Variants in FGF13 observed in about 807,000 individuals in gnomAD.
FGF13 encodes fibroblast growth factor homologous factor 2.
A neutral mutation model predicts 19.5 loss-of-function variants in FGF13; 2 were observed. The ratio of observed to expected loss-of-function variants is 0.10; its 90% CI spans 0.04 to 0.32. The LOEUF (loss-of-function observed/expected upper bound fraction) is 0.32. FGF13 is among the 10% of genes least tolerant of loss of function. The pLI, the probability that FGF13 is intolerant of heterozygous loss-of-function variation, is 1.00. For synonymous variants in FGF13, 72 were observed against 76.9 expected (o/e 0.94, Z 0.33); for missense variants, 113 against 192.7 (o/e 0.59, Z 2.45).
intron 3 of FGF13, among the ~76,000 whole-genome samples, chrX:138,677,332 C>T (rs1202459092): frequency 9.1e-6 from 1 of 109,757 alleles, no homozygotes; most frequent in Non-Finnish European, 1.9e-5. Context: ...CAAATGGGAT[C>T]TAATTAAACT....
At chrX:139,129,264 T>C (rs1014370099) in intron 1 of FGF13, among the ~76,000 whole-genome samples, 1 of 109,908 alleles carries the variant, frequency 9.1e-6, no homozygotes, top group Admixed American at 9.8e-5. Context: ...TATAATATCA[T>C]ATGATATATT....
chrX:138,922,630 C>G (rs2091652788), intron 1 of FGF13, among the ~76,000 whole-genome samples: 1 of 112,141 alleles, frequency 8.9e-6, no homozygotes, highest in African/African-American at 3.2e-5. Flanking sequence ...ATCAAGAACA[C>G]CACAATATTT....
intron 3 of FGF13, among the ~76,000 whole-genome samples, chrX:138,847,148 C>G (rs1187558091): frequency 1.8e-5 from 2 of 111,646 alleles, no homozygotes; most frequent in East Asian, 5.7e-4. Context: ...TATGGAGAAG[C>G]CATGGAGGGG....
At chrX:138,951,498 AT>A (rs1183397723) in intron 1 of FGF13, among the ~76,000 whole-genome samples, 2 of 111,954 alleles carry the variant, frequency 1.8e-5, no homozygotes, top group African/African-American at 3.2e-5. Context: ...TTCAAAAAAA[AT>A]ATACCAGACA....
chrX:138,833,930 CTT>C (rs1344786745), intron 3 of FGF13, among the ~76,000 whole-genome samples: 3 of 111,411 alleles, frequency 2.7e-5, no homozygotes, highest in Non-Finnish European at 5.7e-5. Context: ...TGGTTTTTGT[CTT>C]TAGTTCTGTT....
chrX:138,972,000 T>A (rs373298863), intron 1 of FGF13, among the ~76,000 whole-genome samples: 2 of 110,518 alleles, frequency 1.8e-5, no homozygotes, highest in East Asian at 5.7e-4. Context: ...GTCCTCTAGG[T>A]TCATCCATGT....
chrX:139,045,559 A>G (rs2092284791), intron 1 of FGF13, among the ~76,000 whole-genome samples: 1 of 112,503 alleles, frequency 8.9e-6, no homozygotes, highest in Non-Finnish European at 1.9e-5. Context: ...GTTCTAACTT[A>G]AGTCATTCCT....
At chrX:138,756,506 C>G (rs2090432473) in intron 3 of FGF13, among the ~76,000 whole-genome samples, 1 of 112,742 alleles carries the variant, frequency 8.9e-6, no homozygotes, top group African/African-American at 3.2e-5. Context: ...AGCTGCCTTT[C>G]TGCTTTTTTC....
At chrX:138,783,062 G>A (rs1267704320) in intron 3 of FGF13, among the ~76,000 whole-genome samples, 2 of 96,387 alleles carry the variant, frequency 2.1e-5, no homozygotes, top group African/African-American at 4.0e-5. Context: ...AAGCAATGGG[G>A]AAAGGATTCC....
rs1569436209 is a variant in FGF13 at position 138,984,604 on chromosome X, A to AGGAGGC, written c.-112-119955_-112-119954insGCCTCC. Among the ~76,000 whole-genome samples, 9 of 46,063 alleles carry AGGAGGC rather than the reference A, an allele frequency of 2.0e-4. 1 individual carries two copies. Among genetic ancestry groups the AGGAGGC allele is most frequent in the Non-Finnish European group, 4.0e-4 (9 of 22,342 alleles). 40.0% of individuals were successfully genotyped at this position (46,063 alleles called of 115,157 possible). A position where few individuals can be genotyped will look rare whatever the true frequency, so the allele number is the denominator to read the frequency against. ...AAGAAGAAGAAGGAGGAGGAGGAGG[A>AGGAGGC]GGAGGAGGAGGATGAGGAAGAGGAG... is the stretch of plus-strand genomic sequence containing the variant. On this transcript the variant is annotated intron_variant, in intron 1 of 2. Transcript: ENST00000421460.
chrX:139,093,333 C>T (rs2083450303), intron 1 of FGF13, among the ~76,000 whole-genome samples: 2 of 111,962 alleles, frequency 1.8e-5, no homozygotes, highest in African/African-American at 6.5e-5. Flanking sequence ...TAATTTACTA[C>T]CCTGCCTGTG....
intron 3 of FGF13, among the ~76,000 whole-genome samples, chrX:138,790,043 CAAAAA>C (rs764151731): frequency 6.9e-5 from 2 of 29,166 alleles, no homozygotes; most frequent in Non-Finnish European, 1.3e-4. Context: ...AGACTCCATT[CAAAAA>C]AAAAAAAAAA....
chrX:138,976,232 C>G (rs1233866783), intron 1 of FGF13, among the ~76,000 whole-genome samples: 7 of 111,395 alleles, frequency 6.3e-5, no homozygotes, highest in Non-Finnish European at 1.3e-4. Flanking sequence ...TGAGAGCTTT[C>G]AACAGCTCTA....
chrX:138,875,892 C>A (rs1211777709), intron 1 of FGF13, among the ~76,000 whole-genome samples: 1 of 111,208 alleles, frequency 9.0e-6, no homozygotes, highest in East Asian at 2.8e-4. Context: ...TATAAATCAG[C>A]TCTTCTGCAT....
chrX:138,836,661 C>T lies in FGF13; in HGVS notation c.217+20851G>A, dbSNP rs765449292. On this transcript the variant is annotated intron_variant, in intron 3 of 6. Coordinates refer to the FGF13 transcript ENST00000436198. ...TCCTTTAGCTCAGTGAACTTCATTC[C>T]TATCCATATTCTGAATTCTCCTTCT... Among the ~76,000 whole-genome samples, 4 of 111,893 alleles carry T rather than the reference C, an allele frequency of 3.6e-5. No individual in the cohort carries two copies. The East Asian group carries it at 1.1e-3, about 32-fold the overall frequency.
intron 3 of FGF13, among the ~76,000 whole-genome samples, chrX:138,791,927 T>C (rs1354109969): frequency 8.9e-6 from 1 of 112,080 alleles, no homozygotes; most frequent in Non-Finnish European, 1.9e-5. Context: ...GTTTGCCCAT[T>C]AATATTTAAT....
At chrX:138,961,407 C>T (rs1215651074) in intron 1 of FGF13, among the ~76,000 whole-genome samples, 1 of 110,908 alleles carries the variant, frequency 9.0e-6, no homozygotes, top group Non-Finnish European at 1.9e-5. Context: ...TGAGGGGCAC[C>T]TACTGGGAGG....
At chrX:138,792,563 ACC>A (rs1307724471) in intron 3 of FGF13, among the ~76,000 whole-genome samples, 1 of 112,010 alleles carries the variant, frequency 8.9e-6, no homozygotes, top group Non-Finnish European at 1.9e-5. Flanking sequence ...GTAGCTTTTA[ACC>A]AACTTCTGTC....
At chrX:138,969,692 G>A (rs1306600321) in intron 1 of FGF13, among the ~76,000 whole-genome samples, 1 of 111,514 alleles carries the variant, frequency 9.0e-6, no homozygotes, top group Non-Finnish European at 1.9e-5. Flanking sequence ...CACCACTACA[G>A]CAAATTAGAG....
Sources: allele counts gnomAD v4.1 joint callset (sites outside exome capture counted in the v4.1 genomes callset), GRCh38; gene constraint gnomAD v4.1.1; transcripts MANE v1.5; gene names NCBI Gene and HGNC (gene_info 2026-07-23, HGNC 2026-07-21).